DLG2: variants seen among roughly 807,000 people sequenced by gnomAD.
DLG2 encodes disks large homolog 2.
Under a neutral mutation model 132.5 loss-of-function variants are expected in DLG2, and 45 were observed. The observed-to-expected ratio is 0.34, with a 90% CI of 0.27 to 0.44. DLG2 has a LOEUF of 0.44. Among genes scored for constraint, DLG2 ranks in the 20% least tolerant of loss-of-function variants. The pLI, the probability that DLG2 is intolerant of heterozygous loss-of-function variation, is 1.00. For synonymous variants in DLG2, 424 were observed against 419.6 expected, an observed-to-expected ratio of 1.01 and a Z score of -0.13; for missense variants, 1,045 against 1,196.9, an observed-to-expected ratio of 0.87 and a Z score of 1.87.
At chr11:83,987,100 AT>A (rs1226503337) in intron 11 of DLG2, among the ~76,000 whole-genome samples, 2 of 152,100 alleles carry the variant, frequency 1.3e-5, no homozygotes, top group African/African-American at 4.8e-5. Flanking sequence ...TTTTGTTGCC[AT>A]TGTTTTTGGT....
At chr11:83,493,336 TTTCCTTCCTTCCTTCCTTCCTTCCTTCC>T (rs201830272) in intron 21 of DLG2, among the ~76,000 whole-genome samples, 50,329 of 132,078 alleles carry the variant, frequency 0.38, 9,294 homozygotes, top group Middle Eastern at 0.42. Context: ...CTTTTCTTTC[TTTCCTTCCTTCCTTCCTTCCTTCCTTCC>T]TTCCTTCCTT....
chr11:83,919,373 A>G (rs994677200), intron 15 of DLG2, among the ~76,000 whole-genome samples: 8 of 152,162 alleles, frequency 5.3e-5, no homozygotes, highest in Admixed American at 2.0e-4. Context: ...TTTCCCATGC[A>G]GAGTCTCTGA....
rs2074761008 is a variant in DLG2 at position 85,124,035 on chromosome 11, T to A, written c.283-12300A>T. ...TAACTAGCTAATTGAATTAGTGAAATTTATCCTTCAGTGTCAGACTCCCAG... is the reference window on the plus strand; with the variant it reads ...TAACTAGCTAATTGAATTAGTGAAAATTATCCTTCAGTGTCAGACTCCCAG... On this transcript the variant is annotated intron_variant, in intron 5 of 27. Transcript: ENST00000376104. Among the ~76,000 whole-genome samples, 4 of 152,186 alleles carry A rather than the reference T, an allele frequency of 2.6e-5. No individual in the cohort carries two copies. In the South Asian group the frequency reaches 8.3e-4, roughly 32 times the overall value.
intron 6 of DLG2, among the ~76,000 whole-genome samples, chr11:84,685,117 G>A (rs1369539853): frequency 6.6e-6 from 1 of 152,214 alleles, no homozygotes. Context: ...GAGAAAAGAA[G>A]TGAGTTGTCC....
intron 4 of DLG2, among the ~76,000 whole-genome samples, chr11:85,163,700 C>A (rs910248340): frequency 6.6e-6 from 1 of 152,160 alleles, no homozygotes; most frequent in Admixed American, 6.5e-5. Context: ...TATTTAAATT[C>A]TATGACTATC....
intron 7 of DLG2, among the ~76,000 whole-genome samples, chr11:84,305,075 G>A (rs1470726607): frequency 1.3e-5 from 2 of 152,172 alleles, no homozygotes; most frequent in East Asian, 3.8e-4. Context: ...TATTAAAATA[G>A]TGTGTTGAAA....
chr11:85,618,335 T>C lies in DLG2; in HGVS notation c.-93+8252A>G, dbSNP rs563363397. 2.0e-5 allele frequency among the ~76,000 whole-genome samples: 3 copies of C among 152,310 alleles called. No individual in the cohort carries two copies. The South Asian group carries it at 6.2e-4, about 32-fold the overall frequency. ...TAATCACTGACATGGTAACATAGTA[T>C]TAAGAAATAAGCATATAAGGAGAAT... is the stretch of plus-strand genomic sequence containing the variant. On this transcript the variant is annotated intron_variant, in intron 2 of 27. Transcript: ENST00000376104.
intron 6 of DLG2, chr11:84,955,835 C>T (rs1346979059): frequency 6.6e-6 from 1 of 152,140 alleles, no homozygotes; most frequent in African/African-American, 2.4e-5. Context: ...GAGGAAATAA[C>T]TTACAAATGG....
At chr11:83,525,948 A>T (rs2095598596) in intron 21 of DLG2, among the ~76,000 whole-genome samples, 2 of 149,518 alleles carry the variant, frequency 1.3e-5, no homozygotes, top group African/African-American at 4.9e-5. Flanking sequence ...AGGCTCTGCT[A>T]CCAGCTCTTT....
intron 7 of DLG2, among the ~76,000 whole-genome samples, chr11:84,411,367 G>A (rs1007914775): frequency 1.3e-5 from 2 of 152,164 alleles, no homozygotes; most frequent in African/African-American, 4.8e-5. Flanking sequence ...AAATAACAAG[G>A]TAGGCAGGTG....
At chr11:85,027,302 G>A (rs757782955) in intron 6 of DLG2, among the ~76,000 whole-genome samples, 1 of 148,236 alleles carries the variant, frequency 6.7e-6, no homozygotes, top group Non-Finnish European at 1.5e-5. Flanking sequence ...GTTAACACCA[G>A]CAATGTCTGG....
At chr11:84,980,710 GC>G (rs1374842051) in intron 6 of DLG2, among the ~76,000 whole-genome samples, 1 of 152,178 alleles carries the variant, frequency 6.6e-6, no homozygotes, top group Non-Finnish European at 1.5e-5. Flanking sequence ...ACCACAGTGA[GC>G]CCCAAGTTTC....
rs2081113249 is a variant in DLG2 at position 83,934,854 on chromosome 11, C to T, written c.1341-4371G>A. On this transcript the variant is annotated intron_variant, in intron 14 of 27. Coordinates refer to ENST00000376104, the MANE Select transcript of DLG2 (RefSeq NM_001142699.3). ...AATGCAAGAATGTATTACTGAAGTACTGTCATAGAAAATGAAAGGAACTGT... is the reference window on the plus strand; with the variant it reads ...AATGCAAGAATGTATTACTGAAGTATTGTCATAGAAAATGAAAGGAACTGT... Among the ~76,000 whole-genome samples, 3 of 152,272 alleles carry T rather than the reference C, an allele frequency of 2.0e-5. No individual in the cohort carries two copies. The South Asian group carries it at 6.2e-4, about 32-fold the overall frequency.
At chr11:84,126,477 C>T (rs1021529130) in intron 9 of DLG2, among the ~76,000 whole-genome samples, 1 of 151,870 alleles carries the variant, frequency 6.6e-6, no homozygotes, top group African/African-American at 2.4e-5. Flanking sequence ...TACTTGTATG[C>T]ATTGGAAATC....
chr11:84,499,351 T>G (rs981046734), intron 7 of DLG2, among the ~76,000 whole-genome samples: 1 of 152,186 alleles, frequency 6.6e-6, no homozygotes, highest in East Asian at 1.9e-4. Context: ...AACAACATGG[T>G]AGTAACAATT....
chr11:83,633,298 T>C lies in DLG2; in HGVS notation c.1853A>G (p.His618Arg), dbSNP rs764048277. The C allele has an allele frequency of 3.7e-6, 6 of 1,613,524 alleles. No individual in the cohort carries two copies. The highest frequency in any genetic ancestry group is 4.2e-6 in the Non-Finnish European group (5 of 1,179,706). The change falls in exon 19 of 28, where the codon CAT becomes CGT. Residue 618 changes from histidine to arginine, a missense_variant. Physicochemically the swap from His to Arg is conservative, Grantham distance 29. Around this residue, in one of 4 missense-constraint regions of DLG2, gnomAD observed 398 missense variants for 543.6 expected, o/e 0.73. Coordinates refer to ENST00000376104, the MANE Select transcript of DLG2 (RefSeq NM_001142699.3). ...GTTCATCATCTGCTCTCGTAGGTCA[T>C]GGATTTTGGCCTCAAATCGAGCGTA... ...EDYARFEAKI[H>R]DLREQMMNHS...
At chr11:84,134,868 G>T (rs939233613) in intron 9 of DLG2, among the ~76,000 whole-genome samples, 1 of 151,904 alleles carries the variant, frequency 6.6e-6, no homozygotes, top group African/African-American at 2.4e-5. Flanking sequence ...CTGAAGTCCA[G>T]CCAATATAGG....
intron 6 of DLG2, among the ~76,000 whole-genome samples, chr11:85,063,653 C>T (rs1052015833): frequency 1.3e-5 from 2 of 151,738 alleles, no homozygotes; most frequent in African/African-American, 4.8e-5. Context: ...GCTGTATTTC[C>T]CTCTAACTTG....
chr11:84,305,433 G>A (rs977336289), intron 7 of DLG2, among the ~76,000 whole-genome samples: 1 of 152,084 alleles, frequency 6.6e-6, no homozygotes, highest in Non-Finnish European at 1.5e-5. Flanking sequence ...TTGATAAAAC[G>A]TCAGAGGAAA....
Sources: gnomAD v4.1 joint callset for allele counts (sites outside exome capture counted in the v4.1 genomes callset) on GRCh38, gnomAD v4.1.1 for gene constraint, gnomAD v4.1.1 regional missense constraint, MANE v1.5 for transcripts, NCBI Gene and HGNC (gene_info 2026-07-23, HGNC 2026-07-21) for gene names.